GRM7: variants seen among roughly 807,000 people sequenced by gnomAD.
The protein encoded by GRM7 is glutamate metabotropic receptor 7, also known as metabotropic glutamate receptor 7.
In GRM7, 35 loss-of-function variants were observed where a neutral mutation model predicts 84.5. That is an observed-to-expected ratio of 0.41 (90% CI 0.32 to 0.55). The LOEUF is 0.55. GRM7 is among the 20% of genes least tolerant of loss of function. The pLI, the probability that GRM7 is intolerant of heterozygous loss-of-function variation, is 0.19. For synonymous variants in GRM7, 487 were observed against 455.1 expected (o/e 1.07, Z -0.89); for missense variants, 1,003 against 1,194.6 (o/e 0.84, Z 2.36).
chr3:7,141,763 C>G (rs1693952072), intron 1 of GRM7, among the ~76,000 whole-genome samples: 1 of 151,334 alleles, frequency 6.6e-6, no homozygotes, highest in African/African-American at 2.4e-5. Flanking sequence ...GAAGATACAC[C>G]CTGAAGACCT....
chr3:7,163,261 G>A (rs577653954), intron 2 of GRM7, among the ~76,000 whole-genome samples: 2 of 152,294 alleles, frequency 1.3e-5, no homozygotes, highest in East Asian at 3.9e-4. Context: ...AGAAATATCA[G>A]AAGAGGTAGC....
chr3:7,554,019 T>C (rs1057248082), intron 7 of GRM7, among the ~76,000 whole-genome samples: 6 of 152,058 alleles, frequency 3.9e-5, no homozygotes, highest in African/African-American at 1.4e-4. Context: ...GGGTAAAGGG[T>C]CTCATGTCTC....
At chr3:7,684,051 T>C (rs1700481923) in intron 9 of GRM7, among the ~76,000 whole-genome samples, 1 of 152,128 alleles carries the variant, frequency 6.6e-6, no homozygotes, top group Non-Finnish European at 1.5e-5. Flanking sequence ...GCAATGACAT[T>C]TGAAAAACCA....
intron 8 of GRM7, among the ~76,000 whole-genome samples, chr3:7,591,041 G>A (rs1342703629): frequency 1.3e-5 from 2 of 152,168 alleles, no homozygotes; most frequent in Non-Finnish European, 2.9e-5. Context: ...GAATGAATCT[G>A]TTGTGGAGTA....
intron 1 of GRM7, among the ~76,000 whole-genome samples, chr3:6,974,961 G>A (rs1374456032): frequency 6.6e-6 from 1 of 152,158 alleles, no homozygotes; most frequent in Admixed American, 6.5e-5. Context: ...AGGTATTGAT[G>A]TGTTTGATCC....
chr3:7,118,142 TTGGGAGGGCAAGG>T (rs748887721), intron 1 of GRM7, among the ~76,000 whole-genome samples: 22 of 152,200 alleles, frequency 1.4e-4, no homozygotes, highest in Non-Finnish European at 2.2e-4. Context: ...TCCCAGTACT[TTGGGAGGGCAAGG>T]TGGGAGGATC....
intron 8 of GRM7, among the ~76,000 whole-genome samples, chr3:7,646,315 C>T (rs1244818478): frequency 6.6e-6 from 1 of 152,174 alleles, no homozygotes; most frequent in East Asian, 1.9e-4. Flanking sequence ...CCTCAGCCTC[C>T]TGAGTAGTTG....
At chr3:7,452,082 T>A (rs1697793682) in intron 5 of GRM7, among the ~76,000 whole-genome samples, 1 of 152,064 alleles carries the variant, frequency 6.6e-6, no homozygotes, top group Non-Finnish European at 1.5e-5. Flanking sequence ...TAGACTTACA[T>A]ATGTGAGAGC....
chr3:7,702,503 A>G (rs1353717829), intron 9 of GRM7, among the ~76,000 whole-genome samples: 1 of 152,248 alleles, frequency 6.6e-6, no homozygotes, highest in Admixed American at 6.5e-5. Context: ...TCAAAGAGCC[A>G]TTATATAACT....
At chr3:7,427,060 G>A (rs758772102) in intron 5 of GRM7, among the ~76,000 whole-genome samples, 9 of 152,100 alleles carry the variant, frequency 5.9e-5, no homozygotes, top group Non-Finnish European at 1.2e-4. Flanking sequence ...GACTTTGTAG[G>A]ATCTTTTGGG....
rs1190670433 is a variant in GRM7 at position 7,151,305 on chromosome 3, G to A, written c.736+4637G>A. Among the ~76,000 whole-genome samples, 1 of 152,096 alleles carries A rather than the reference G, an allele frequency of 6.6e-6. No homozygotes were observed. Among genetic ancestry groups the A allele is most frequent in the Non-Finnish European group, 1.5e-5 (1 of 68,028 alleles). On this transcript the variant is annotated intron_variant, in intron 2 of 9. Transcript: ENST00000357716. This position sits in a 1 kb window ranked among gnomAD's most constrained non-coding sequence, Gnocchi z 4.5. The stretch of plus-strand genomic sequence containing the variant: ...ACCTGTAATCCCAGCTACTGGCGAG[G>A]CTGAGGCGGGAGAACTGCTTGAACC...
chr3:7,442,864 A>T (rs1278049346), intron 5 of GRM7, among the ~76,000 whole-genome samples: 1 of 152,100 alleles, frequency 6.6e-6, no homozygotes, highest in Non-Finnish European at 1.5e-5. Flanking sequence ...TTGTATAATT[A>T]TTTATATCTG....
At chr3:7,649,380 G>A (rs550419729) in intron 8 of GRM7, among the ~76,000 whole-genome samples, 11 of 152,096 alleles carry the variant, frequency 7.2e-5, no homozygotes, top group Non-Finnish European at 1.2e-4. Flanking sequence ...GAGCCACCGC[G>A]CCCAGCCGAA....
intron 3 of GRM7, among the ~76,000 whole-genome samples, chr3:7,302,472 T>C (rs1700036393): frequency 6.6e-6 from 1 of 152,162 alleles, no homozygotes; most frequent in Non-Finnish European, 1.5e-5. Context: ...TTTACTTTCT[T>C]TTCCTGTTTT....
At chr3:7,665,317 G>A (rs897310648) in intron 8 of GRM7, among the ~76,000 whole-genome samples, 2 of 151,734 alleles carry the variant, frequency 1.3e-5, no homozygotes, top group Non-Finnish European at 2.9e-5. Flanking sequence ...GACTACAGGT[G>A]CCCGCCACCG....
chr3:7,688,131 C>G (rs534068595), intron 9 of GRM7, among the ~76,000 whole-genome samples: 47 of 152,188 alleles, frequency 3.1e-4, no homozygotes, highest in African/African-American at 1.1e-3. Context: ...TAATCTCAAT[C>G]CATTAAAAAT....
chr3:7,474,899 C>T (rs1698860104), intron 7 of GRM7, among the ~76,000 whole-genome samples: 1 of 152,120 alleles, frequency 6.6e-6, no homozygotes, highest in South Asian at 2.1e-4. Context: ...AACTAATAAC[C>T]AGTCGTATAC....
At chr3:6,930,376 AGAG>A (rs1247247527) in intron 1 of GRM7, among the ~76,000 whole-genome samples, 1 of 152,210 alleles carries the variant, frequency 6.6e-6, no homozygotes, top group Non-Finnish European at 1.5e-5. Flanking sequence ...AGAGTAGGCA[AGAG>A]GTCAAACGAT....
intron 1 of GRM7, among the ~76,000 whole-genome samples, chr3:6,939,136 CT>C (rs934558781): frequency 6.6e-6 from 1 of 152,180 alleles, no homozygotes; most frequent in Non-Finnish European, 1.5e-5. Flanking sequence ...TTAATGCAAC[CT>C]TTTTTTAGAT....
Sources: allele counts gnomAD v4.1 joint callset (sites outside exome capture counted in the v4.1 genomes callset), GRCh38; gene constraint gnomAD v4.1.1; non-coding constraint Gnocchi (gnomAD v3.1); transcripts MANE v1.5; gene names NCBI Gene and HGNC (gene_info 2026-07-23, HGNC 2026-07-21).